CFAP45: variants seen among roughly 807,000 people sequenced by gnomAD.
CFAP45 encodes cilia and flagella associated protein 45.
A neutral mutation model predicts 75.6 loss-of-function variants in CFAP45; 43 were observed. That is an observed-to-expected ratio of 0.57 (90% CI 0.45 to 0.73). The LOEUF is 0.73. Among genes scored for constraint, CFAP45 ranks in the 30% least tolerant of loss-of-function variants. The probability of loss-of-function intolerance (pLI) is 0.00; values close to 1 mark genes in which losing one functional copy is unlikely to be tolerated. For synonymous variants in CFAP45, 223 were observed against 244.6 expected (o/e 0.91, Z 0.82); for missense variants, 689 against 701.5 (o/e 0.98, Z 0.20).
intron 11 of CFAP45, 126 bp downstream of exon 11, chr1:159,872,818 G>A (rs2101838961): frequency 2.1e-6 from 2 of 962,344 alleles, no homozygotes. Flanking sequence ...TGGGTGGGGA[G>A]AAGAGCCTCT....
chr1:159,877,598 C>T (rs1417022121), intron 8 of CFAP45, 136 bp from the exon 9 acceptor site: 4 of 701,192 alleles, frequency 5.7e-6, no homozygotes, highest in Admixed American at 2.1e-5. Flanking sequence ...AAAATAAGGC[C>T]AGGTGCCGTG....
chr1:159,896,096 C>G (rs1361265434), intron 1 of CFAP45, among the ~76,000 whole-genome samples: 1 of 152,184 alleles, frequency 6.6e-6, no homozygotes, highest in African/African-American at 2.4e-5. Context: ...TGTGAAAGGG[C>G]TTTGGAATAC....
chr1:159,890,698 A>G (rs3820100), intron 2 of CFAP45, 76 bp from the exon 3 acceptor site: 127,048 of 1,360,076 alleles, frequency 0.093, 7,406 homozygotes, highest in African/African-American at 0.27. Context: ...TCAAGGATAG[A>G]GCAGCGTGAT....
Position 159,884,472 on chromosome 1 carries a change from C to T in CFAP45, c.861G>A (p.Leu287=), listed in dbSNP as rs1244042421. Reference sequence around the variant, plus strand: ...CCTCTTGGAGCTGTTCCATATATTCCAGCATCTGCTCCTTCTCCTGCTCCC... The same window carrying T: ...CCTCTTGGAGCTGTTCCATATATTCTAGCATCTGCTCCTTCTCCTGCTCCC... ...EQREQEKEQM[L]EYMEQLQEED... The change falls in exon 7 of 12, where the codon CTG becomes CTA. Residue 287 remains leucine (L), a synonymous_variant. Coordinates refer to ENST00000368099, the MANE Select transcript of CFAP45 (RefSeq NM_012337.3). 1.2e-6 allele frequency: 2 copies of T among 1,613,730 alleles called. No homozygotes were observed. Among genetic ancestry groups the T allele is most frequent in the Non-Finnish European group, 1.7e-6 (2 of 1,179,892 alleles).
intron 8 of CFAP45, among the ~76,000 whole-genome samples, chr1:159,878,977 A>G (rs1228279546): frequency 6.6e-6 from 1 of 152,016 alleles, no homozygotes; most frequent in Non-Finnish European, 1.5e-5. Context: ...GCAAGAATAG[A>G]TACCACCGTG....
chr1:159,890,583 G>A lies in CFAP45; in HGVS notation c.169C>T (p.Leu57Phe), dbSNP rs780033471. ...TTTTGAAGGGTATGCTTATCTCGGA[G>A]CAGCACAATGGGGCTGTCGCTCTGG... ...QGQSDSPIVLLRDKHTLQKTL... is the reference protein window; with the variant it reads ...QGQSDSPIVLFRDKHTLQKTL... The change falls in exon 3 of 12, where the codon CTC becomes TTC. Residue 57 changes from leucine (L) to phenylalanine (F), a missense_variant. Transcript: ENST00000368099. 5.0e-6 allele frequency: 8 copies of A among 1,613,998 alleles called. No individual in the cohort carries two copies. In the African/African-American group the frequency reaches 5.3e-5, roughly 11 times the overall value.
chr1:159,880,176 A>T (rs576942665), intron 8 of CFAP45, among the ~76,000 whole-genome samples: 26 of 152,350 alleles, frequency 1.7e-4, no homozygotes, highest in Middle Eastern at 3.4e-3. Context: ...CATTTGCACA[A>T]GAAATTTATG....
At chr1:159,890,354 C>A in intron 3 of CFAP45, 126 bp downstream of exon 3, 2 of 847,162 alleles carry the variant, frequency 2.4e-6, no homozygotes, top group Non-Finnish European at 3.8e-6. Flanking sequence ...AAGGGGAAAA[C>A]GAATAGGAAA....
Position 159,872,394 on chromosome 1 carries a change from T to C in CFAP45, c.*91A>G, listed in dbSNP as rs535381160. The C allele has an allele frequency of 1.0e-6, 1 of 990,886 alleles. No homozygotes were observed. The highest frequency in any genetic ancestry group is 1.3e-5 in the South Asian group (1 of 77,602). The allele number at this position is 990,886 out of a possible 1,614,324, so 61.4% of individuals were successfully genotyped here. ...GTCAAGTAGATTTAATCTGTAACTA[T>C]GAAATGTCTAGGTTAGCAGCAATTA... On this transcript the variant is annotated 3_prime_UTR_variant, in exon 12 of 12. Transcript: ENST00000368099.
In CFAP45 at chr1:159,876,767, G is replaced by A. The variant is rs1340912437; in HGVS notation, c.1159-18C>T. ...AAGGCATCCTGGGAATGTTGGCAGG[G>A]GACCAGTGAGGGCACAAAATAGCTG... On this transcript the variant is annotated intron_variant, in intron 9 of 11. Coordinates refer to ENST00000368099, the MANE Select transcript of CFAP45 (RefSeq NM_012337.3). 1.2e-6 allele frequency: 2 copies of A among 1,613,844 alleles called. No individual in the cohort carries two copies. The highest frequency in any genetic ancestry group is 1.3e-5 in the African/African-American group (1 of 74,922).
intron 1 of CFAP45, among the ~76,000 whole-genome samples, chr1:159,895,846 T>C (rs779723259): frequency 6.6e-6 from 1 of 152,186 alleles, no homozygotes; most frequent in Non-Finnish European, 1.5e-5. Flanking sequence ...CTTTGGATCA[T>C]GAGTTTTGTA....
rs576499567 is a variant in CFAP45, at chr1:159,891,869, C to T, written c.130-1247G>A. Among the ~76,000 whole-genome samples, 107 of 152,300 alleles carry T rather than the reference C, an allele frequency of 7.0e-4. 1 individual carries two copies. In the South Asian group the frequency reaches 0.022, roughly 31 times the overall value. ...AAGAGACAAGCATTTTTCTGATAGC[C>T]CCCTTTTGCCAGCCAGCATGACTAC... On this transcript the variant is annotated intron_variant, in intron 2 of 11. Transcript: ENST00000368099.
chr1:159,879,203 C>G (rs946549778), intron 8 of CFAP45, among the ~76,000 whole-genome samples: 17 of 152,158 alleles, frequency 1.1e-4, no homozygotes, highest in Admixed American at 1.0e-3. Flanking sequence ...CCAAGACACC[C>G]CAACAACTGC....
rs1219571273 is a variant in CFAP45, at chr1:159,877,381, G to T, written c.1126C>A (p.Gln376Lys). ...GCCTGGTAATCCTGGGCCTTCTCCT[G>T]CATGGCCCTCAAGCGTGCGATCTCC... is the stretch of plus-strand genomic sequence containing the variant. ...EKEIARLRAMQEKAQDYQAEQ... is the reference protein window; with the variant it reads ...EKEIARLRAMKEKAQDYQAEQ... The change falls in exon 9 of 12, where the codon CAG becomes AAG. Residue 376 changes from glutamine (Q) to lysine (K), a missense_variant. Transcript: ENST00000368099. The T allele has an allele frequency of 1.2e-6, 2 of 1,613,410 alleles. No homozygotes were observed. Among genetic ancestry groups the T allele is most frequent in the Non-Finnish European group, 1.7e-6 (2 of 1,179,324 alleles).
intron 8 of CFAP45, among the ~76,000 whole-genome samples, chr1:159,877,906 G>A (rs537260228): frequency 1.4e-3 from 74 of 53,248 alleles, no homozygotes; most frequent in Non-Finnish European, 2.4e-3. Flanking sequence ...AAATAAATAA[G>A]GTAAAATGAA....
chr1:159,876,538 T>G lies in CFAP45; in HGVS notation c.1352+18A>C. ...ACAGTACAAGGAAAGGAATCCAAGGTTCCCAGGCCCCTCCTACCGAAGAAT... is the reference window on the plus strand; with the variant it reads ...ACAGTACAAGGAAAGGAATCCAAGGGTCCCAGGCCCCTCCTACCGAAGAAT... On this transcript the variant is annotated intron_variant, in intron 10 of 11. Coordinates refer to ENST00000368099, the MANE Select transcript of CFAP45 (RefSeq NM_012337.3). The G allele has an allele frequency of 6.3e-7, 1 of 1,575,520 alleles. No individual in the cohort carries two copies. The highest frequency in any genetic ancestry group is 8.7e-7 in the Non-Finnish European group (1 of 1,145,326).
At chr1:159,896,851 T>C (rs1437437220) in intron 1 of CFAP45, among the ~76,000 whole-genome samples, 1 of 152,186 alleles carries the variant, frequency 6.6e-6, no homozygotes, top group Non-Finnish European at 1.5e-5. Context: ...AGCTAGGAGC[T>C]CTATGAGAGA....
rs763396350 is a variant in CFAP45, at chr1:159,888,514, A to G, written c.273-18T>C. The G allele has an allele frequency of 6.2e-7, 1 of 1,611,850 alleles. No individual in the cohort carries two copies. The highest frequency in any genetic ancestry group is 1.7e-5 in the Admixed American group (1 of 59,900). On this transcript the variant is annotated intron_variant, in intron 3 of 11. Transcript: ENST00000368099. ...TGGGAACACTGTCACAAGAATAAAC[A>G]GAGTTAGGGAGGGGAGAGGGAAAGC...
At chr1:159,893,387 G>T in intron 1 of CFAP45, 82 bp from the exon 2 acceptor site, 3 of 1,386,274 alleles carry the variant, frequency 2.2e-6, no homozygotes, top group Non-Finnish European at 2.0e-6. Flanking sequence ...ACCAGCCCAT[G>T]CTGGGGGAGT....
Sources: allele counts gnomAD v4.1 joint callset (sites outside exome capture counted in the v4.1 genomes callset), GRCh38; gene constraint gnomAD v4.1.1; transcripts MANE v1.5; gene names NCBI Gene and HGNC (gene_info 2026-07-23, HGNC 2026-07-21).